L3MBTL1: variants seen among roughly 807,000 people sequenced by gnomAD.
L3MBTL1 encodes lethal(3)malignant brain tumor-like protein 1.
In L3MBTL1, 75 loss-of-function variants were observed where a neutral mutation model predicts 105.3. That is an observed-to-expected ratio of 0.71 (90% CI 0.59 to 0.86). The LOEUF (loss-of-function observed/expected upper bound fraction) is 0.86. Ranked by LOEUF, L3MBTL1 falls within the 40% of genes least tolerant of loss-of-function variation. The pLI, the probability that L3MBTL1 is intolerant of heterozygous loss-of-function variation, is 0.00. For missense variants in L3MBTL1, 1,069 were observed against 1,126.4 expected, an observed-to-expected ratio of 0.95 and a Z score of 0.73; for synonymous variants, 452 against 436.2, an observed-to-expected ratio of 1.04 and a Z score of -0.45.
intron 7 of L3MBTL1, among the ~76,000 whole-genome samples, chr20:43,519,030 GGAAAAAAAA>G (rs1457035274): frequency 2.7e-5 from 4 of 148,042 alleles, no homozygotes; most frequent in African/African-American, 1.0e-4. Flanking sequence ...TGTCTCAGGG[GGAAAAAAAA>G]GAAAAAAAAG....
intron 3 of L3MBTL1, 188 bp from the exon 4 acceptor site, chr20:43,514,447 G>A (rs182487473): frequency 2.0e-6 from 3 of 1,491,062 alleles, no homozygotes; most frequent in Non-Finnish European, 2.7e-6. Context: ...CCCCGCAGGT[G>A]CTTGGGGGCG....
intron 7 of L3MBTL1, among the ~76,000 whole-genome samples, chr20:43,522,457 G>GTTTTTTTTTTTTTTTTTTTTTTT (rs1176856356): frequency 4.2e-5 from 4 of 95,892 alleles, no homozygotes; most frequent in East Asian, 3.7e-4. Context: ...TCCCTGCTAA[G>GTTTTTTTTTTTTTTTTTTTTTTT]TTTTTTTTTT....
In L3MBTL1 at chr20:43,533,319, A is replaced by G. The variant is rs766427792; in HGVS notation, c.1437-23A>G. 57 of 1,610,586 alleles carry G rather than the reference A, an allele frequency of 3.5e-5. No individual in the cohort carries two copies. The Admixed American group carries it at 4.7e-4, about 13-fold the overall frequency. On this transcript the variant is annotated intron_variant, in intron 12 of 21. Coordinates refer to ENST00000418998, the MANE Select transcript of L3MBTL1 (RefSeq NM_001377303.1). ...CAGGGCCTCAAGTTTCTCTTGGGAC[A>G]GTGACATGTTCTTGGATTTCAGGTG...
At chr20:43,531,691 C>T (rs117034462) in intron 11 of L3MBTL1, 1,601 of 152,264 alleles carry the variant, frequency 0.011, 21 homozygotes, top group Non-Finnish European at 0.018. Context: ...ACTCCGGTCT[C>T]AGCAACAAGA....
chr20:43,509,810 A>G (rs985973270), intron 1 of L3MBTL1, among the ~76,000 whole-genome samples: 2 of 152,238 alleles, frequency 1.3e-5, no homozygotes, highest in Non-Finnish European at 2.9e-5. Context: ...TTCTTTCAGA[A>G]GTAACCACAT....
rs757756334 is a variant in L3MBTL1, at chr20:43,515,120, G to T, written c.614G>T (p.Gly205Val). 82 of 1,614,158 alleles carry T rather than the reference G, an allele frequency of 5.1e-5. 1 individual carries two copies. In the South Asian group the frequency reaches 8.2e-4, roughly 16 times the overall value. The change falls in exon 5 of 22, where the codon GGT becomes GTT. Residue 205 changes from glycine (G) to valine (V), a missense_variant. Transcript: ENST00000418998. ...CACCAAGCCGCGGGTCCAGATCTTG[G>T]TTCCTCTAATGATGGCTGCCCTCAG... Reference protein sequence around the residue: ...GPHQAAGPDLGSSNDGCPQLF... With the variant: ...GPHQAAGPDLVSSNDGCPQLF...
At position 43,514,070 on chromosome 20, in the gene L3MBTL1, CTG is replaced by C; in HGVS notation, c.360+12_360+13del. On this transcript the variant is annotated intron_variant, in intron 3 of 21. Coordinates refer to ENST00000418998, the MANE Select transcript of L3MBTL1 (RefSeq NM_001377303.1). ...CAGGGGGCGGCCTGCGGGTCAGTGT[CTG>C]TGGGGATTGGCTAAGCCTCGTAAAC... is the stretch of plus-strand genomic sequence containing the variant. 7 of 1,530,634 alleles carry C rather than the reference CTG, an allele frequency of 4.6e-6. No individual in the cohort carries two copies. The highest frequency in any genetic ancestry group is 6.1e-6 in the Non-Finnish European group (7 of 1,143,988). 94.8% of individuals were successfully genotyped at this position (1,530,634 alleles called of 1,614,324 possible).
At chr20:43,547,102 C>CTTTTTTTTTTTTTT (rs11478523) in intron 18 of L3MBTL1, among the ~76,000 whole-genome samples, 1 of 122,646 alleles carries the variant, frequency 8.2e-6, no homozygotes, top group Non-Finnish European at 1.7e-5. Context: ...TTTTTAATGA[C>CTTTTTTTTTTTTTT]TTTTTTTTTT....
chr20:43,518,851 CAAAAAAAAAAAAA>C (rs34529936), intron 7 of L3MBTL1, among the ~76,000 whole-genome samples: 8 of 33,304 alleles, frequency 2.4e-4, no homozygotes, highest in South Asian at 2.4e-3. Flanking sequence ...ACTAAAAATA[CAAAAAAAAAAAAA>C]AAAAAAAAAA....
downstream of L3MBTL1, among the ~76,000 whole-genome samples, chr20:43,545,788 G>A (rs1353667257): frequency 6.6e-6 from 1 of 152,224 alleles, no homozygotes. Flanking sequence ...GCCATCAGAA[G>A]TGCCAGTTTT....
chr20:43,534,924 C>G lies in L3MBTL1; in HGVS notation c.1807C>G (p.Pro603Ala), dbSNP rs1244198582. ...PAGWCSKTGH[P>A]LQPPLGPREP... is the part of the protein sequence containing the mutation. Reference sequence around the variant, plus strand: ...CGGCTGGTGCTCCAAGACAGGACATCCCCTGCAGCCTCCTCTCGGTGTGTA... The same window carrying G: ...CGGCTGGTGCTCCAAGACAGGACATGCCCTGCAGCCTCCTCTCGGTGTGTA... Residue 603 changes from proline (P) to alanine (A), a missense_variant, in exon 16 of 22, where the codon CCC becomes GCC. Pro to Ala is a conservative substitution (Grantham distance 27, BLOSUM62 -1). Coordinates refer to ENST00000418998, the MANE Select transcript of L3MBTL1 (RefSeq NM_001377303.1). 6.2e-7 allele frequency: 1 copy of G among 1,603,524 alleles called. No homozygotes were observed. The highest frequency in any genetic ancestry group is 8.5e-7 in the Non-Finnish European group (1 of 1,178,122).
At chr20:43,518,056 T>G (rs913836850) in intron 7 of L3MBTL1, among the ~76,000 whole-genome samples, 9 of 152,232 alleles carry the variant, frequency 5.9e-5, no homozygotes, top group Admixed American at 2.0e-4. Flanking sequence ...TAAATCAACA[T>G]TCTTTTAGCT....
rs961158610 is a variant in L3MBTL1, at chr20:43,513,978, G to A, written c.277G>A (p.Gly93Arg). The A allele has an allele frequency of 1.6e-5, 24 of 1,546,312 alleles. No individual in the cohort carries two copies. The African/African-American group carries it at 1.9e-4, about 12-fold the overall frequency. The change falls in exon 3 of 22, where the codon GGG (glycine) becomes AGG (arginine). Residue 93 changes from glycine (G) to arginine (R), a missense_variant. By Grantham distance (125) the Gly-to-Arg change is moderately radical. Transcript: ENST00000418998. ...CACCGTCCTGCCGCAGCTTAGCGCCGGGCCGGCCAGCTCCAGCACCAGCAC... is the reference window on the plus strand; with the variant it reads ...CACCGTCCTGCCGCAGCTTAGCGCCAGGCCGGCCAGCTCCAGCACCAGCAC... ...SATVLPQLSA[G>R]PASSSTSTVR...
chr20:43,530,227 G>C, intron 9 of L3MBTL1, 57 bp from the exon 10 acceptor site: 1 of 1,609,984 alleles, frequency 6.2e-7, no homozygotes. Context: ...AGGTGAGGCA[G>C]ATGGGGAGTG....
intron 19 of L3MBTL1, 37 bp from the exon 20 acceptor site, chr20:43,540,114 C>T (rs1473096741): frequency 6.2e-7 from 1 of 1,605,918 alleles, no homozygotes; most frequent in Non-Finnish European, 8.5e-7. Context: ...GTTTAGTCAT[C>T]CTCGTTGGCC....
At chr20:43,514,525 T>A in intron 3 of L3MBTL1, 110 bp from the exon 4 acceptor site, 1 of 1,567,284 alleles carries the variant, frequency 6.4e-7, no homozygotes, top group Non-Finnish European at 8.7e-7. Context: ...TCTTGAGGCC[T>A]GCTGAGGGCG....
intron 12 of L3MBTL1, 131 bp from the exon 13 acceptor site, chr20:43,533,211 C>T (rs1255080800): frequency 2.5e-6 from 2 of 806,976 alleles, no homozygotes; most frequent in African/African-American, 1.7e-5. Context: ...AATTTTCTAA[C>T]TTTGTCCTTG....
intron 7 of L3MBTL1, among the ~76,000 whole-genome samples, chr20:43,519,484 A>C (rs2018593241): frequency 6.6e-6 from 1 of 151,982 alleles, no homozygotes. Context: ...TAAAAATACA[A>C]AATTAGCCAG....
chr20:43,548,276 C>T, exon 19 of L3MBTL1: 2 of 1,298,756 alleles, frequency 1.5e-6, no homozygotes, highest in Non-Finnish European at 2.0e-6. Flanking sequence ...CCTGCAGCCC[C>T]TGCTTGGCCT....
Sources: allele counts gnomAD v4.1 joint callset (sites outside exome capture counted in the v4.1 genomes callset), GRCh38; gene constraint gnomAD v4.1.1; transcripts MANE v1.5; gene names NCBI Gene and HGNC (gene_info 2026-07-23, HGNC 2026-07-21).